NSD2: variants seen among roughly 807,000 people sequenced by gnomAD.
NSD2 encodes histone-lysine N-methyltransferase NSD2.
Under a neutral mutation model 139.0 loss-of-function variants are expected in NSD2, and 12 were observed. That is an observed-to-expected ratio of 0.09 (90% confidence interval 0.06 to 0.14). NSD2 has a LOEUF of 0.14. Among genes scored for constraint, NSD2 ranks in the 10% least tolerant of loss-of-function variants. The probability of loss-of-function intolerance (pLI) is 1.00; values close to 1 mark genes in which losing one functional copy is unlikely to be tolerated. For synonymous variants in NSD2, 669 were observed against 648.7 expected (o/e 1.03, Z -0.48); for missense variants, 1,155 against 1,745.0 (o/e 0.66, Z 6.02).
chr4:1,883,701 T>A (rs1481357106), intron 1 of NSD2, among the ~76,000 whole-genome samples: 1 of 151,308 alleles, frequency 6.6e-6, no homozygotes, highest in Non-Finnish European at 1.5e-5. Context: ...CCCCATCTGC[T>A]CTCCCAGCTG....
chr4:1,940,222 T>G (rs763121574), intron 9 of NSD2: 1 of 1,077,252 alleles, frequency 9.3e-7, no homozygotes, highest in Non-Finnish European at 1.1e-6. Flanking sequence ...CTTCCAGACC[T>G]AGGCTCATGG....
intron 9 of NSD2, 105 bp from the exon 10 acceptor site, chr4:1,950,961 TGAGAAA>T (rs913727469): frequency 7.0e-7 from 1 of 1,432,146 alleles, no homozygotes; most frequent in African/African-American, 1.4e-5. Flanking sequence ...GGACCAGTGC[TGAGAAA>T]GACTGGTGGG....
chr4:1,918,557 G>T lies in NSD2; in HGVS notation c.1344G>T (p.Met448Ile), dbSNP rs1220362986. 2.5e-6 allele frequency: 4 copies of T among 1,613,914 alleles called. No individual in the cohort carries two copies. Among genetic ancestry groups the T allele is most frequent in the Non-Finnish European group, 3.4e-6 (4 of 1,179,976 alleles). Residue 448 changes from methionine to isoleucine, a missense_variant, in exon 5 of 22, where the codon ATG (methionine) becomes ATT (isoleucine). Physicochemically the swap from Met to Ile is conservative, Grantham distance 10 (BLOSUM62 1). Around this residue, in one of 8 missense-constraint regions of NSD2, gnomAD observed 420 missense variants for 469.0 expected, o/e 0.90. Transcript: ENST00000508803. ...PPGRKKTTVSMPRSRKGDAAS... is the reference protein window; with the variant it reads ...PPGRKKTTVSIPRSRKGDAAS... The stretch of plus-strand genomic sequence containing the variant: ...GGAGGAAGAAGACCACAGTCTCCAT[G>T]CCACGAAGCAGGAAGGGAGATGCAG...
intron 21 of NSD2, 90 bp from the exon 22 acceptor site, chr4:1,978,548 C>T: frequency 6.6e-7 from 1 of 1,515,080 alleles, no homozygotes; most frequent in South Asian, 1.3e-5. Context: ...GTTCATTTGA[C>T]CTGACAGTTG....
chr4:1,930,179 C>T (rs1721473379), intron 5 of NSD2, among the ~76,000 whole-genome samples: 1 of 152,156 alleles, frequency 6.6e-6, no homozygotes. Context: ...GCCTTCACCC[C>T]TGCCCAGGGC....
intron 1 of NSD2, among the ~76,000 whole-genome samples, chr4:1,889,549 T>C (rs1364407315): frequency 6.6e-6 from 1 of 151,914 alleles, no homozygotes; most frequent in Non-Finnish European, 1.5e-5. Flanking sequence ...TTTCCCAGGC[T>C]GGAGTGCAAT....
chr4:1,951,312 A>C (rs1044784748), intron 10 of NSD2, 109 bp downstream of exon 10: 9 of 1,438,630 alleles, frequency 6.3e-6, no homozygotes, highest in Non-Finnish European at 7.6e-6. Flanking sequence ...CCCTTCCCCA[A>C]TCTCACCGTC....
chr4:1,885,793 T>C (rs968155973), intron 1 of NSD2, among the ~76,000 whole-genome samples: 2 of 152,068 alleles, frequency 1.3e-5, no homozygotes, highest in African/African-American at 2.4e-5. Flanking sequence ...TGAGTACAGG[T>C]AGTTCCTCAC....
intron 1 of NSD2, among the ~76,000 whole-genome samples, chr4:1,882,667 A>AAACAACAAC (rs530707928): frequency 5.3e-5 from 8 of 151,982 alleles, no homozygotes; most frequent in Non-Finnish European, 1.2e-4. Flanking sequence ...TCTGTCTCAA[A>AAACAACAAC]AACAACAACA....
At position 1,889,022 on chromosome 4, in the gene NSD2, C is replaced by T. The variant is rs531794320; in HGVS notation, c.-29-11604C>T. On this transcript the variant is annotated intron_variant, in intron 1 of 21. Transcript: ENST00000508803. Reference sequence around the variant, plus strand: ...AAGTGATTCTTCTGCCTCAGCCTCCCGAATAGCTGGGATTACAGGCACCCG... The same window carrying T: ...AAGTGATTCTTCTGCCTCAGCCTCCTGAATAGCTGGGATTACAGGCACCCG... Among the ~76,000 whole-genome samples the T allele has an allele frequency of 3.4e-4, 52 of 151,728 alleles. No individual in the cohort carries two copies. In the South Asian group the frequency reaches 5.0e-3, roughly 15 times the overall value.
At position 1,956,989 on chromosome 4, in the gene NSD2, A is replaced by G. The variant is rs1395178097; in HGVS notation, c.2881+801A>G. Among the ~76,000 whole-genome samples the G allele has an allele frequency of 6.6e-6, 1 of 152,220 alleles. No individual in the cohort carries two copies. The highest frequency in any genetic ancestry group is 1.5e-5 in the Non-Finnish European group (1 of 68,042). On this transcript the variant is annotated intron_variant, in intron 15 of 21. Transcript: ENST00000508803. This position sits in a 1 kb window ranked among gnomAD's most constrained non-coding sequence, Gnocchi z 5.3. The stretch of plus-strand genomic sequence containing the variant: ...GGGTAGGCATTGAAAGATTTTAAAA[A>G]ATTATTAAGAGGGCGAGACGAAATT...
chr4:1,952,747 A>G (rs923083416), intron 11 of NSD2: 2 of 1,086,606 alleles, frequency 1.8e-6, no homozygotes, highest in Middle Eastern at 4.1e-4. Context: ...ATGTTACTGC[A>G]TCAGGTGTCG....
chr4:1,976,569 A>G lies in NSD2; in HGVS notation c.3716A>G (p.Glu1239Gly). 6.2e-7 allele frequency: 1 copy of G among 1,613,604 alleles called. No individual in the cohort carries two copies. Among genetic ancestry groups the G allele is most frequent in the Non-Finnish European group, 8.5e-7 (1 of 1,179,812 alleles). ...RAKGEGKRQSEDECFRCGDGG... is the reference protein window; with the variant it reads ...RAKGEGKRQSGDECFRCGDGG... ...AAAGGGGAAGGGAAGAGGCAGTCAG[A>G]GGACGAGTGCTTCCGCTGCGGTGAT... Residue 1239 changes from glutamate (E) to glycine (G), a missense_variant, in exon 21 of 22, where the codon GAG (glutamate) becomes GGG (glycine). Coordinates refer to ENST00000508803, the MANE Select transcript of NSD2 (RefSeq NM_001042424.3). The surrounding 1 kb of genome is among the most constrained non-coding windows in gnomAD (Gnocchi z 5.3).
intron 18 of NSD2, among the ~76,000 whole-genome samples, chr4:1,971,637 G>A (rs558073585): frequency 3.9e-5 from 6 of 152,296 alleles, no homozygotes; most frequent in South Asian, 2.1e-4. Flanking sequence ...GAGCCAGGGC[G>A]TGGACCTGTA....
At chr4:1,893,711 T>A (rs1171474224) in intron 1 of NSD2, 1 of 152,162 alleles carries the variant, frequency 6.6e-6, no homozygotes, top group Non-Finnish European at 1.5e-5. Flanking sequence ...ACCCAGCTGA[T>A]TTTTGTATTT....
chr4:1,971,994 C>T (rs927971339), intron 18 of NSD2, among the ~76,000 whole-genome samples: 1 of 152,202 alleles, frequency 6.6e-6, no homozygotes, highest in African/African-American at 2.4e-5. Context: ...AGGACGCTCA[C>T]GCCGCTCCTG....
intron 9 of NSD2, chr4:1,947,627 T>G: frequency 2.8e-6 from 3 of 1,055,302 alleles, no homozygotes; most frequent in Non-Finnish European, 3.4e-6. Flanking sequence ...TGTTTGAAAT[T>G]AGTCTTGATT....
intron 9 of NSD2, chr4:1,940,249 C>A: frequency 9.3e-7 from 1 of 1,076,456 alleles, no homozygotes; most frequent in Non-Finnish European, 1.1e-6. Context: ...CCAAAGATTT[C>A]TTTGTTCTCA....
chr4:1,952,378 A>C, intron 11 of NSD2, 147 bp downstream of exon 11: 1 of 1,260,744 alleles, frequency 7.9e-7, no homozygotes, highest in Non-Finnish European at 1.1e-6. Context: ...CTTGTAGCCC[A>C]CAGCTGGCAG....
Sources: gnomAD v4.1 joint callset for allele counts (sites outside exome capture counted in the v4.1 genomes callset) on GRCh38, gnomAD v4.1.1 for gene constraint, gnomAD v4.1.1 regional missense constraint, Gnocchi (gnomAD v3.1) non-coding constraint, MANE v1.5 for transcripts, NCBI Gene and HGNC (gene_info 2026-07-23, HGNC 2026-07-21) for gene names.